The following AQR variants were observed in gnomAD, a reference collection of about 807,000 sequenced individuals.
AQR encodes the protein aquarius intron-binding spliceosomal factor, also known as RNA helicase aquarius.
AQR carries 61 observed loss-of-function variants against 180.5 expected under a neutral mutation model. The observed-to-expected ratio is 0.34, with a 90% CI of 0.28 to 0.42. The LOEUF is 0.42. Ranked by LOEUF, AQR falls within the 10% of genes least tolerant of loss-of-function variation. AQR has a pLI of 1.00. For synonymous variants in AQR, 551 were observed against 588.8 expected (o/e 0.94, Z 0.93); for missense variants, 1,281 against 1,798.3 (o/e 0.71, Z 5.20).
intron 34 of AQR, among the ~76,000 whole-genome samples, chr15:34,858,748 G>T (rs528909502): frequency 6.6e-6 from 1 of 152,168 alleles, no homozygotes; most frequent in African/African-American, 2.4e-5. Context: ...CGGATATACA[G>T]AATAATGGAA....
chr15:34,920,647 T>TC (rs1381315477), intron 13 of AQR, among the ~76,000 whole-genome samples: 1 of 152,112 alleles, frequency 6.6e-6, no homozygotes, highest in African/African-American at 2.4e-5. Context: ...TTCTGGGCAG[T>TC]CCCCAAGAAC....
At chr15:34,947,507 T>TAA (rs748885960) in intron 5 of AQR, among the ~76,000 whole-genome samples, 82 of 135,064 alleles carry the variant, frequency 6.1e-4, no homozygotes, top group African/African-American at 1.5e-3. Context: ...GAATGATCAA[T>TAA]AAAAAAAATA....
At chr15:34,950,339 T>C (rs1401108592) in intron 4 of AQR, among the ~76,000 whole-genome samples, 8 of 152,016 alleles carry the variant, frequency 5.3e-5, no homozygotes, top group Non-Finnish European at 1.2e-4. Context: ...CCACCCGCCT[T>C]GGCCTCCCAA....
chr15:34,897,693 T>C lies in AQR; in HGVS notation c.2256A>G (p.Pro752=), dbSNP rs1018423494. The C allele has an allele frequency of 1.6e-5, 26 of 1,613,846 alleles. No individual in the cohort carries two copies. Among genetic ancestry groups the C allele is most frequent in the Non-Finnish European group, 2.1e-5 (25 of 1,179,928 alleles). Residue 752 remains proline (P), a synonymous_variant, in exon 21 of 35, where the codon CCA becomes CCG. Transcript: ENST00000156471. ...LQIPPFRITF[P]VRSGKGKKRK... ...TTTTCTTCCCTTTTCCACTTCTTAC[T>C]GGAAAAGTTATCCTACAAGACCAAA...
intron 32 of AQR, among the ~76,000 whole-genome samples, chr15:34,866,969 G>T (rs1353850021): frequency 6.6e-6 from 1 of 152,016 alleles, no homozygotes; most frequent in African/African-American, 2.4e-5. Context: ...TGTCATATGA[G>T]ATGAAGGTTT....
chr15:34,959,693 C>T (rs148027956), intron 3 of AQR, among the ~76,000 whole-genome samples: 7 of 152,372 alleles, frequency 4.6e-5, no homozygotes, highest in African/African-American at 1.7e-4. Flanking sequence ...CCTTTTCCTA[C>T]ATCTGCCACA....
chr15:34,884,835 G>GAA, intron 25 of AQR, 101 bp from the exon 26 acceptor site: 1 of 799,578 alleles, frequency 1.3e-6, no homozygotes, highest in South Asian at 1.8e-5. Context: ...AGGTGAAAAA[G>GAA]AAAAAAAAAG....
At chr15:34,885,499 T>C (rs894265802) in intron 25 of AQR, among the ~76,000 whole-genome samples, 4 of 152,210 alleles carry the variant, frequency 2.6e-5, no homozygotes, top group African/African-American at 9.6e-5. Context: ...ATTTAACTCG[T>C]AAACAACTTT....
chr15:34,963,857 G>A (rs911014289), intron 2 of AQR, among the ~76,000 whole-genome samples: 55 of 68,386 alleles, frequency 8.0e-4, no homozygotes, highest in African/African-American at 2.0e-3. Context: ...TAGAGATGGG[G>A]TTTCACCGTG....
At chr15:34,965,739 C>A (rs1404431760) in intron 1 of AQR, among the ~76,000 whole-genome samples, 1 of 152,192 alleles carries the variant, frequency 6.6e-6, no homozygotes, top group Non-Finnish European at 1.5e-5. Flanking sequence ...AAAATCTTCA[C>A]CTCACCCCCA....
chr15:34,892,666 T>C (rs925511246), intron 23 of AQR, among the ~76,000 whole-genome samples: 4 of 152,186 alleles, frequency 2.6e-5, no homozygotes, highest in Admixed American at 2.0e-4. Context: ...ATATCCTAAG[T>C]TGAAAACACA....
chr15:34,855,499 T>C lies in AQR; in HGVS notation c.*1293A>G, dbSNP rs1892575453. ...GGGAAATAGAGAACTAGTGGGCAATTTTCCCCTCTACACATACATATAAAC... is the reference window on the plus strand; with the variant it reads ...GGGAAATAGAGAACTAGTGGGCAATCTTCCCCTCTACACATACATATAAAC... On this transcript the variant is annotated 3_prime_UTR_variant, in exon 35 of 35. Coordinates refer to ENST00000156471, the MANE Select transcript of AQR (RefSeq NM_014691.3). 1 of 151,454 alleles carries C rather than the reference T, an allele frequency of 6.6e-6. No homozygotes were observed. The highest frequency in any genetic ancestry group is 6.6e-5 in the Admixed American group (1 of 15,164). The allele number at this position is 151,454 out of a possible 1,614,324, so 9.4% of individuals were successfully genotyped here. A position where few individuals can be genotyped will look rare whatever the true frequency, so the allele number is the denominator to read the frequency against.
rs143665502 is a variant in AQR, at chr15:34,919,620, G to A, written c.1221+712C>T. On this transcript the variant is annotated intron_variant, in intron 14 of 34. Transcript: ENST00000156471. ...TTAGAAGAATTCCTGAAAACAGGTT[G>A]GGCACGGTGATTCATGCCTGTAACC... Among the ~76,000 whole-genome samples the A allele has an allele frequency of 2.5e-3, 379 of 152,228 alleles. 3 individuals carry two copies. The highest frequency in any genetic ancestry group is 8.6e-3 in the African/African-American group (357 of 41,542).
intron 4 of AQR, among the ~76,000 whole-genome samples, chr15:34,949,086 G>A (rs899357376): frequency 2.0e-5 from 3 of 151,582 alleles, no homozygotes; most frequent in Non-Finnish European, 2.9e-5. Flanking sequence ...TCCACCTCCC[G>A]GATTCAAGCA....
chr15:34,914,301 T>C (rs181940470), intron 16 of AQR, among the ~76,000 whole-genome samples: 1 of 152,316 alleles, frequency 6.6e-6, no homozygotes, highest in African/African-American at 2.4e-5. Context: ...GCCATATCTA[T>C]AAAACCAAAT....
Position 34,930,250 on chromosome 15 carries a change from T to A in AQR, c.1014+8A>T. ...GAGCATACACAGTCTATAATGTATT[T>A]TAATTACCTGTAGAGAAGTAATTCT... is the stretch of plus-strand genomic sequence containing the variant. On this transcript the variant is annotated splice_region_variant and intron_variant, in intron 12 of 34. Transcript: ENST00000156471. 2 of 1,527,364 alleles carry A rather than the reference T, an allele frequency of 1.3e-6. No individual in the cohort carries two copies. Among genetic ancestry groups the A allele is most frequent in the Non-Finnish European group, 1.8e-6 (2 of 1,103,148 alleles). The allele number at this position is 1,527,364 out of a possible 1,614,324, so 94.6% of individuals were successfully genotyped here. A position where few individuals can be genotyped will look rare whatever the true frequency, so the allele number is the denominator to read the frequency against.
intron 15 of AQR, 101 bp from the exon 16 acceptor site, chr15:34,915,280 TC>T: frequency 1.7e-6 from 2 of 1,179,558 alleles, no homozygotes; most frequent in Middle Eastern, 2.9e-4. Flanking sequence ...AACCTCCGCC[TC>T]CCAGATTCAA....
Position 34,944,321 on chromosome 15 carries a change from T to G in AQR, c.438A>C (p.Leu146Phe). 1 of 1,607,820 alleles carries G rather than the reference T, an allele frequency of 6.2e-7. No homozygotes were observed. Among genetic ancestry groups the G allele is most frequent in the Non-Finnish European group, 8.5e-7 (1 of 1,177,848 alleles). ...TGAAGCAATGATCAAGAAAAAGTAG[T>G]AAGACTGTCTGTTCATGAAGTGAAA... ...GEFSLHEQTV[L>F]LLFLDHCFNS... is the part of the protein sequence containing the mutation. Residue 146 changes from leucine (L) to phenylalanine (F), a missense_variant, in exon 6 of 35, where the codon TTA becomes TTC. Leu to Phe is a conservative substitution (Grantham distance 22). Transcript: ENST00000156471.
intron 32 of AQR, among the ~76,000 whole-genome samples, chr15:34,864,143 T>A (rs989042007): frequency 3.8e-4 from 57 of 151,670 alleles, no homozygotes; most frequent in African/African-American, 1.4e-3. Flanking sequence ...ATTTGGGGAG[T>A]ATCTCTAATT....
Sources: allele counts gnomAD v4.1 joint callset (sites outside exome capture counted in the v4.1 genomes callset), GRCh38; gene constraint gnomAD v4.1.1; transcripts MANE v1.5; gene names NCBI Gene and HGNC (gene_info 2026-07-23, HGNC 2026-07-21).